The following TMEM266 variants were observed in gnomAD, a reference collection of about 807,000 sequenced individuals.
The protein encoded by TMEM266 is transmembrane protein 266.
Under a neutral mutation model 50.5 loss-of-function variants are expected in TMEM266, and 33 were observed. The ratio of observed to expected loss-of-function variants is 0.65; its 90% confidence interval spans 0.50 to 0.87. The LOEUF (loss-of-function observed/expected upper bound fraction) is 0.87. Ranked by LOEUF, TMEM266 falls within the 40% of genes least tolerant of loss-of-function variation. The pLI is 0.00. For missense variants in TMEM266, 655 were observed against 695.1 expected, an observed-to-expected ratio of 0.94 and a Z score of 0.65; for synonymous variants, 310 against 292.3, an observed-to-expected ratio of 1.06 and a Z score of -0.62.
chr15:76,105,893 A>G (rs573959506), intron 1 of TMEM266, among the ~76,000 whole-genome samples: 1 of 152,302 alleles, frequency 6.6e-6, no homozygotes, highest in East Asian at 1.9e-4. Context: ...AGATTTGTCA[A>G]TGGCCAGTTT....
intron 1 of TMEM266, among the ~76,000 whole-genome samples, chr15:76,091,075 T>C (rs1201952706): frequency 6.6e-6 from 1 of 152,100 alleles, no homozygotes; most frequent in Non-Finnish European, 1.5e-5. Context: ...GGGAAAAAAG[T>C]GTCCACTGGG....
chr15:76,097,347 GGTT>G (rs2036936906), intron 1 of TMEM266, among the ~76,000 whole-genome samples: 1 of 151,830 alleles, frequency 6.6e-6, no homozygotes, highest in Non-Finnish European at 1.5e-5. Flanking sequence ...GTCTGTAAAG[GGTT>G]TTATTTCTCC....
intron 1 of TMEM266, among the ~76,000 whole-genome samples, chr15:76,099,969 C>T (rs986702798): frequency 3.3e-5 from 5 of 152,146 alleles, no homozygotes; most frequent in African/African-American, 4.8e-5. Flanking sequence ...AAATTTAAAC[C>T]GTTAGATCTC....
chr15:76,079,308 G>A (rs553952460), intron 1 of TMEM266, among the ~76,000 whole-genome samples: 19 of 150,146 alleles, frequency 1.3e-4, no homozygotes, highest in African/African-American at 1.7e-4. Context: ...AGCTGAAATC[G>A]TGGCATTGCA....
intron 1 of TMEM266, among the ~76,000 whole-genome samples, chr15:76,108,516 A>G (rs1876959761): frequency 6.6e-6 from 1 of 152,162 alleles, no homozygotes; most frequent in Admixed American, 6.5e-5. Flanking sequence ...GGGTCTGAGG[A>G]TTTGCATTTC....
intron 1 of TMEM266, among the ~76,000 whole-genome samples, chr15:76,124,206 ATTCT>A (rs1188535417): frequency 1.3e-5 from 2 of 152,178 alleles, no homozygotes; most frequent in African/African-American, 4.8e-5. Context: ...AAAGCCTTTG[ATTCT>A]TTCTTCTCGT....
At chr15:76,130,236 AAAAAAAAAAAAAAAAAAAC>A (rs1168621423) in intron 1 of TMEM266, among the ~76,000 whole-genome samples, 7 of 133,552 alleles carry the variant, frequency 5.2e-5, no homozygotes, top group Non-Finnish European at 9.5e-5. Context: ...AAAAAAAAAA[AAAAAAAAAAAAAAAAAAAC>A]CGCCGGGTGC....
chr15:76,064,792 G>A (rs1159242613), intron 1 of TMEM266, among the ~76,000 whole-genome samples: 1 of 152,180 alleles, frequency 6.6e-6, no homozygotes, highest in African/African-American at 2.4e-5. Flanking sequence ...CAGGTTTTTG[G>A]AAGTCCAGGC....
At chr15:76,088,978 C>T (rs2036811548) in intron 1 of TMEM266, among the ~76,000 whole-genome samples, 1 of 149,350 alleles carries the variant, frequency 6.7e-6, no homozygotes, top group African/African-American at 2.5e-5. Flanking sequence ...CCTGTTACTC[C>T]AGCTATTCAG....
At chr15:76,060,092 G>A (rs1423001250) in intron 1 of TMEM266, 76 bp downstream of exon 1, 1 of 142,460 alleles carries the variant, frequency 7.0e-6, no homozygotes. Flanking sequence ...GGGGCGGGGG[G>A]TGGGGGGACC....
intron 1 of TMEM266, among the ~76,000 whole-genome samples, chr15:76,071,402 G>A (rs1046873019): frequency 5.9e-5 from 9 of 152,136 alleles, no homozygotes; most frequent in African/African-American, 1.9e-4. Flanking sequence ...GGAAAGATGA[G>A]GCATTCAAGG....
chr15:76,204,519 C>A lies in TMEM266; in HGVS notation c.*204C>A. 2 of 505,104 alleles carry A rather than the reference C, an allele frequency of 4.0e-6. No homozygotes were observed. The highest frequency in any genetic ancestry group is 3.5e-6 in the Non-Finnish European group (1 of 286,006). The allele number at this position is 505,104 out of a possible 1,614,324, so 31.3% of individuals were successfully genotyped here. The stretch of plus-strand genomic sequence containing the variant: ...GCCCAGAGCTGGCGCCTCTTCTCGC[C>A]CTGCTCAGGGGAGGGTGGTGCTCGT... On this transcript the variant is annotated 3_prime_UTR_variant, in exon 11 of 11. Coordinates refer to ENST00000388942, the MANE Select transcript of TMEM266 (RefSeq NM_152335.3).
chr15:76,085,823 G>T (rs2036768412), intron 1 of TMEM266, among the ~76,000 whole-genome samples: 1 of 152,104 alleles, frequency 6.6e-6, no homozygotes, highest in Admixed American at 6.5e-5. Flanking sequence ...GAGGTGGGCG[G>T]ATCACCTGAA....
chr15:76,204,634 T>G lies in TMEM266; in HGVS notation c.*319T>G. 2 of 224,462 alleles carry G rather than the reference T, an allele frequency of 8.9e-6. No individual in the cohort carries two copies. The highest frequency in any genetic ancestry group is 9.7e-5 in the East Asian group (1 of 10,306). The allele number at this position is 224,462 out of a possible 1,614,324, so 13.9% of individuals were successfully genotyped here. On this transcript the variant is annotated 3_prime_UTR_variant, in exon 11 of 11. Transcript: ENST00000388942. ...AGTGTGGGGGGGCCAGCTCAGCCTC[T>G]TGCGTTGCCTTCGTTCCTGACGCCC...
At chr15:76,103,199 G>A (rs773356375) in intron 1 of TMEM266, among the ~76,000 whole-genome samples, 11 of 152,148 alleles carry the variant, frequency 7.2e-5, no homozygotes, top group African/African-American at 2.4e-4. Context: ...CAGATCGGAT[G>A]TGGGGCATGA....
chr15:76,170,436 G>T (rs545255490), intron 6 of TMEM266, among the ~76,000 whole-genome samples: 1 of 152,350 alleles, frequency 6.6e-6, no homozygotes, highest in East Asian at 1.9e-4. Context: ...GACACAGTGG[G>T]CCTGGCCGAT....
intron 1 of TMEM266, among the ~76,000 whole-genome samples, chr15:76,106,696 T>G (rs927599084): frequency 6.6e-6 from 1 of 152,214 alleles, no homozygotes; most frequent in African/African-American, 2.4e-5. Context: ...TCCTCTTGCC[T>G]TGGCTTCCCA....
At chr15:76,175,495 C>A in intron 7 of TMEM266, 64 bp from the exon 8 acceptor site, 1 of 1,314,130 alleles carries the variant, frequency 7.6e-7, no homozygotes. Context: ...ATGCTGGGCC[C>A]GCCCTTCCCT....
Position 76,148,711 on chromosome 15 carries a change from GTT to G in TMEM266, c.228-7891_228-7890del, listed in dbSNP as rs1567167466. Among the ~76,000 whole-genome samples, 146 of 62,952 alleles carry G rather than the reference GTT, an allele frequency of 2.3e-3. 1 individual carries two copies. Among genetic ancestry groups the G allele is most frequent in the African/African-American group, 0.01 (143 of 13,894 alleles). 41.3% of individuals were successfully genotyped at this position (62,952 alleles called of 152,430 possible). A position where few individuals can be genotyped will look rare whatever the true frequency, so the allele number is the denominator to read the frequency against. Reference sequence around the variant, plus strand: ...GGTGGGGGTTGCCAAGTGTATGGCAGTTTGTCCACCCCTTCACCCCCCACCTG... The same window carrying G: ...GGTGGGGGTTGCCAAGTGTATGGCAGTGTCCACCCCTTCACCCCCCACCTG... On this transcript the variant is annotated intron_variant, in intron 3 of 10. Transcript: ENST00000388942.
Sources: gnomAD v4.1 joint callset for allele counts (sites outside exome capture counted in the v4.1 genomes callset) on GRCh38, gnomAD v4.1.1 for gene constraint, MANE v1.5 for transcripts, NCBI Gene and HGNC (gene_info 2026-07-23, HGNC 2026-07-21) for gene names.